The following CAPN11 variants were observed in gnomAD, a reference collection of about 807,000 sequenced individuals.
The protein encoded by CAPN11 is calpain-11.
A neutral mutation model predicts 105.3 loss-of-function variants in CAPN11; 108 were observed. That is an observed-to-expected ratio of 1.03 (90% CI 0.88 to 1.20). The LOEUF is 1.20. Among genes scored for constraint, CAPN11 ranks in the 50% most tolerant of loss-of-function variants. CAPN11 has a pLI of 0.00. For missense variants in CAPN11, 883 were observed against 924.8 expected (o/e 0.95, Z 0.59); for synonymous variants, 329 against 344.5 (o/e 0.96, Z 0.50).
intron 4 of CAPN11, among the ~76,000 whole-genome samples, chr6:44,171,420 C>T (rs9472223): frequency 0.3 from 45,830 of 152,164 alleles, 8,683 homozygotes; most frequent in Non-Finnish European, 0.42. Context: ...ATGTGGGTGA[C>T]ATGAGGGAGA....
chr6:44,165,931 G>C (rs1372869742), intron 1 of CAPN11, among the ~76,000 whole-genome samples: 1 of 152,156 alleles, frequency 6.6e-6, no homozygotes, highest in Non-Finnish European at 1.5e-5. Flanking sequence ...GAGACAAGAG[G>C]CCATTTGAGG....
intron 18 of CAPN11, 22 bp from the exon 19 acceptor site, chr6:44,181,230 G>T: frequency 6.2e-7 from 1 of 1,611,558 alleles, no homozygotes; most frequent in Non-Finnish European, 8.5e-7. Context: ...CTCCTTCTCT[G>T]CTGTCCTTGA....
In CAPN11 at chr6:44,184,075, G is replaced by A; in HGVS notation, c.*143G>A. Reference sequence around the variant, plus strand: ...TCCAGGTGGCAGTGCCCGGGTCCCAGGTGCCGTGTTTACTGCAGCAGTGGG... The same window carrying A: ...TCCAGGTGGCAGTGCCCGGGTCCCAAGTGCCGTGTTTACTGCAGCAGTGGG... On this transcript the variant is annotated 3_prime_UTR_variant, in exon 23 of 23. Coordinates refer to ENST00000398776, the MANE Select transcript of CAPN11 (RefSeq NM_007058.4). 8.2e-6 allele frequency: 7 copies of A among 856,486 alleles called. No individual in the cohort carries two copies. Among genetic ancestry groups the A allele is most frequent in the Non-Finnish European group, 1.3e-5 (7 of 546,766 alleles). 53.1% of individuals were successfully genotyped at this position (856,486 alleles called of 1,614,324 possible).
In CAPN11 at chr6:44,169,386, G is replaced by A. The variant is rs767985587; in HGVS notation, c.194G>A (p.Ser65Asn). The stretch of plus-strand genomic sequence containing the variant: ...AACGCCCAGAACTTTGGTAACCAGA[G>A]CTTTGAGGAGCTGCGAGCAGCCTGT... ...HDNAQNFGNQ[S>N]FEELRAACLR... Residue 65 changes from serine to asparagine, a missense_variant, in exon 3 of 23, where the codon AGC becomes AAC. By Grantham distance (46) the Ser-to-Asn change is conservative. Coordinates refer to ENST00000398776, the MANE Select transcript of CAPN11 (RefSeq NM_007058.4). 5.6e-6 allele frequency: 9 copies of A among 1,613,988 alleles called. No homozygotes were observed. Among genetic ancestry groups the A allele is most frequent in the Non-Finnish European group, 4.2e-6 (5 of 1,179,870 alleles).
chr6:44,166,923 GTCAGTCATGTTGTGTGGGGAGGGCGGC>G, intron 2 of CAPN11, 94 bp downstream of exon 2: 1 of 621,802 alleles, frequency 1.6e-6, no homozygotes, highest in Admixed American at 2.3e-5. Context: ...GGTGGGGGAA[GTCAGTCATGTTGTGTGGGGAGGGCGGC>G]GGGGGGAGGG....
At chr6:44,181,365 G>T (rs764795087) in intron 19 of CAPN11, 45 bp downstream of exon 19, 3 of 1,557,736 alleles carry the variant, frequency 1.9e-6, no homozygotes, top group South Asian at 1.1e-5. Context: ...AGGAAAAGAG[G>T]GTCTTAGGAG....
In CAPN11 at chr6:44,173,046, G is replaced by A. The variant is rs985261959; in HGVS notation, c.635G>A (p.Ser212Asn). 6 of 1,613,676 alleles carry A rather than the reference G, an allele frequency of 3.7e-6. No homozygotes were observed. The highest frequency in any genetic ancestry group is 5.1e-6 in the Non-Finnish European group (6 of 1,179,782). Residue 212 changes from serine to asparagine, a missense_variant, in exon 6 of 23, where the codon AGT becomes AAT. Coordinates refer to ENST00000398776, the MANE Select transcript of CAPN11 (RefSeq NM_007058.4). ...VHSTERSEFWSALLEKAYAKL... is the reference protein window; with the variant it reads ...VHSTERSEFWNALLEKAYAKL... ...TCAACCGAACGCAGTGAGTTCTGGAGTGCCCTGCTGGAGAAGGCGTATGCC... is the reference window on the plus strand; with the variant it reads ...TCAACCGAACGCAGTGAGTTCTGGAATGCCCTGCTGGAGAAGGCGTATGCC...
At chr6:44,181,075 C>T (rs1195620287) in intron 18 of CAPN11, 78 bp downstream of exon 18, 2 of 1,334,910 alleles carry the variant, frequency 1.5e-6, no homozygotes, top group African/African-American at 2.9e-5. Context: ...CCTGGGCCAG[C>T]CACGTCCTCC....
At position 44,184,287 on chromosome 6, in the gene CAPN11, C is replaced by T. The variant is rs762205385; in HGVS notation, c.*355C>T. ...GAAGGGACTTGTAGCCCGTTTCTTA[C>T]CCTCCATGCTTGCTGTCCTGCTCAC... is the stretch of plus-strand genomic sequence containing the variant. On this transcript the variant is annotated 3_prime_UTR_variant, in exon 23 of 23. Transcript: ENST00000398776. 54 of 360,664 alleles carry T rather than the reference C, an allele frequency of 1.5e-4. 1 individual carries two copies. Among genetic ancestry groups the T allele is most frequent in the Admixed American group, 7.4e-4 (18 of 24,328 alleles). The allele number at this position is 360,664 out of a possible 1,614,324, so 22.3% of individuals were successfully genotyped here.
intron 19 of CAPN11, 142 bp downstream of exon 19, chr6:44,181,462 C>CACACAT (rs1773214862): frequency 1.9e-6 from 1 of 532,608 alleles, no homozygotes; most frequent in Non-Finnish European, 3.3e-6. Context: ...CACACACACA[C>CACACAT]ACACACTCAC....
intron 12 of CAPN11, 172 bp downstream of exon 12, chr6:44,177,592 A>C: frequency 1.6e-6 from 1 of 617,038 alleles, no homozygotes; most frequent in Non-Finnish European, 2.8e-6. Context: ...AGTTCAAGTG[A>C]TTCTCGTGCC....
intron 1 of CAPN11, among the ~76,000 whole-genome samples, chr6:44,159,166 T>C (rs141922090): frequency 2.0e-5 from 3 of 151,498 alleles, no homozygotes; most frequent in East Asian, 1.9e-4. Context: ...ACAGTTGGAG[T>C]TGGGGAGAGG....
chr6:44,170,530 G>A (rs990120966), intron 4 of CAPN11, among the ~76,000 whole-genome samples: 2 of 152,162 alleles, frequency 1.3e-5, no homozygotes, highest in African/African-American at 4.8e-5. Context: ...TCCACGCAAC[G>A]TGGTAGCTTG....
rs1243799186 is a variant in CAPN11, at chr6:44,166,763, A to G, written c.22A>G (p.Ser8Gly). MLYSPGPSLPESAESLDG... is the reference protein window; with the variant it reads MLYSPGPGLPESAESLDG... The stretch of plus-strand genomic sequence containing the variant: ...CCCACTCTTTCTTATTCTAGGGCCG[A>G]GTCTTCCGGAGTCAGCAGAGAGCCT... The change falls in exon 2 of 23, where the codon AGT (serine) becomes GGT (glycine). Residue 8 changes from serine (S) to glycine (G), a missense_variant. Transcript: ENST00000398776. 3 of 1,551,642 alleles carry G rather than the reference A, an allele frequency of 1.9e-6. No individual in the cohort carries two copies. Among genetic ancestry groups the G allele is most frequent in the African/African-American group, 1.4e-5 (1 of 73,004 alleles).
chr6:44,175,382 A>T (rs574522071), intron 7 of CAPN11, among the ~76,000 whole-genome samples: 18 of 152,242 alleles, frequency 1.2e-4, no homozygotes, highest in Non-Finnish European at 2.1e-4. Context: ...CAGGAGGCTG[A>T]GGTGAGAGGC....
intron 12 of CAPN11, 109 bp downstream of exon 12, chr6:44,177,529 C>G: frequency 9.3e-7 from 1 of 1,076,668 alleles, no homozygotes; most frequent in Non-Finnish European, 1.3e-6. Context: ...ACTCTGTTGC[C>G]CAGGCTGGAG....
rs370108972 is a variant in CAPN11, at chr6:44,183,754, C to T, written c.2184C>T (p.Ser728=). ...AGAATACTGGCCATATTTGCTTGAG[C>T]CTGGAACAGGTACTTGGAGAAGGGT... is the stretch of plus-strand genomic sequence containing the variant. ...DPKNTGHICL[S]LEQWLQMTMW... is the part of the protein sequence containing the mutation. Residue 728 remains serine (S), a synonymous_variant, in exon 22 of 23, where the codon AGC becomes AGT. Transcript: ENST00000398776. 1.9e-6 allele frequency: 3 copies of T among 1,613,754 alleles called. No homozygotes were observed. Among genetic ancestry groups the T allele is most frequent in the Non-Finnish European group, 1.7e-6 (2 of 1,179,760 alleles).
chr6:44,180,772 C>T lies in CAPN11; in HGVS notation c.1771C>T (p.Leu591Phe), dbSNP rs762793018. ...GEGKEIGVYELQRLLNRMAIK... is the reference protein window; with the variant it reads ...GEGKEIGVYEFQRLLNRMAIK... ...GGGCAAGGAGATAGGGGTGTATGAG[C>T]TCCAGAGGCTGCTCAACAGGATGGC... The change falls in exon 17 of 23, where the codon CTC becomes TTC. Residue 591 changes from leucine (L) to phenylalanine (F), a missense_variant. By Grantham distance (22) the Leu-to-Phe change is conservative (BLOSUM62 0). Coordinates refer to ENST00000398776, the MANE Select transcript of CAPN11 (RefSeq NM_007058.4). 1.2e-6 allele frequency: 2 copies of T among 1,613,566 alleles called. No individual in the cohort carries two copies. The highest frequency in any genetic ancestry group is 1.7e-6 in the Non-Finnish European group (2 of 1,179,760).
intron 8 of CAPN11, 25 bp downstream of exon 8, chr6:44,176,176 C>T (rs1480412035): frequency 1.4e-6 from 2 of 1,410,596 alleles, no homozygotes; most frequent in Admixed American, 3.6e-5. Context: ...ATGCGCCCTA[C>T]CCTGAGGACC....
Sources: gnomAD v4.1 joint callset for allele counts (sites outside exome capture counted in the v4.1 genomes callset) on GRCh38, gnomAD v4.1.1 for gene constraint, MANE v1.5 for transcripts, NCBI Gene and HGNC (gene_info 2026-07-23, HGNC 2026-07-21) for gene names.